NKAIN3: variants seen among roughly 807,000 people sequenced by gnomAD.
NKAIN3 encodes sodium/potassium-transporting ATPase subunit beta-1-interacting protein 3.
In NKAIN3, 25 loss-of-function variants were observed where a neutral mutation model predicts 30.2. That is an observed-to-expected ratio of 0.83 (90% CI 0.60 to 1.16). NKAIN3 has a LOEUF of 1.16. Ranked by LOEUF, NKAIN3 falls within the 50% of genes most tolerant of loss-of-function variation. The probability of loss-of-function intolerance (pLI) is 0.00; values close to 1 mark genes in which losing one functional copy is unlikely to be tolerated. For synonymous variants in NKAIN3, 91 were observed against 89.6 expected (o/e 1.02, Z -0.09); for missense variants, 225 against 254.1 (o/e 0.89, Z 0.78).
chr8:62,565,755 A>G (rs1212126413), intron 1 of NKAIN3, among the ~76,000 whole-genome samples: 1 of 152,172 alleles, frequency 6.6e-6, no homozygotes, highest in African/African-American at 2.4e-5. Context: ...TTGAAAGTCA[A>G]AAATGCATTT....
chr8:62,888,221 C>T (rs1417579024), intron 4 of NKAIN3, among the ~76,000 whole-genome samples: 1 of 152,128 alleles, frequency 6.6e-6, no homozygotes, highest in Non-Finnish European at 1.5e-5. Context: ...TAGTTTAGGT[C>T]ATGTTTAAAA....
intron 1 of NKAIN3, among the ~76,000 whole-genome samples, chr8:62,554,925 C>A (rs1334816222): frequency 6.6e-6 from 1 of 151,584 alleles, no homozygotes; most frequent in Non-Finnish European, 1.5e-5. Flanking sequence ...TGAGATTATG[C>A]AGTATTTTTC....
chr8:62,537,278 G>A (rs1808694671), intron 1 of NKAIN3, among the ~76,000 whole-genome samples: 1 of 152,174 alleles, frequency 6.6e-6, no homozygotes, highest in Non-Finnish European at 1.5e-5. Context: ...GAAGGAAGAG[G>A]TTAAGGACTC....
In NKAIN3 at chr8:62,976,283, G is replaced by C. The variant is rs137944065; in HGVS notation, c.*10876G>C. Reference sequence around the variant, plus strand: ...TGATCTGTCTAATACACACAATGGAGTGTTAAAGTCTCCCACTATTATTGT... The same window carrying C: ...TGATCTGTCTAATACACACAATGGACTGTTAAAGTCTCCCACTATTATTGT... On this transcript the variant is annotated 3_prime_UTR_variant, in exon 7 of 7. Coordinates refer to ENST00000623646, the MANE Select transcript of NKAIN3 (RefSeq NM_001304533.3). Among the ~76,000 whole-genome samples the C allele has an allele frequency of 5.4e-4, 82 of 152,148 alleles. No individual in the cohort carries two copies. Among genetic ancestry groups the C allele is most frequent in the South Asian group, 1.9e-3 (9 of 4,814 alleles).
intron 5 of NKAIN3, among the ~76,000 whole-genome samples, chr8:62,934,317 G>A (rs112894634): frequency 6.6e-6 from 1 of 151,914 alleles, no homozygotes; most frequent in Admixed American, 6.6e-5. Context: ...GATTAAGGCT[G>A]CAGTGAGCTG....
intron 4 of NKAIN3, among the ~76,000 whole-genome samples, chr8:62,904,046 C>A (rs1172963896): frequency 2.0e-5 from 3 of 152,274 alleles, no homozygotes; most frequent in Admixed American, 1.3e-4. Flanking sequence ...TGAGGGTGAA[C>A]CCTTGGACAA....
intron 5 of NKAIN3, among the ~76,000 whole-genome samples, chr8:62,922,291 A>G (rs2130862042): frequency 6.6e-6 from 1 of 152,308 alleles, no homozygotes; most frequent in East Asian, 1.9e-4. Flanking sequence ...CTGTCTGCCC[A>G]TGAACTCCTT....
chr8:62,603,506 C>T (rs764701929), intron 3 of NKAIN3, among the ~76,000 whole-genome samples: 87 of 152,066 alleles, frequency 5.7e-4, no homozygotes, highest in African/African-American at 1.0e-3. Context: ...TTAAATTCTT[C>T]GGATAAAATT....
At chr8:62,692,942 T>G (rs1814028423) in intron 3 of NKAIN3, among the ~76,000 whole-genome samples, 1 of 152,222 alleles carries the variant, frequency 6.6e-6, no homozygotes, top group Non-Finnish European at 1.5e-5. Context: ...TCTCCTTATT[T>G]TGCCTTCTAT....
intron 4 of NKAIN3, among the ~76,000 whole-genome samples, chr8:62,871,357 C>A (rs1307981295): frequency 1.3e-4 from 19 of 147,282 alleles, no homozygotes; most frequent in Admixed American, 1.2e-3. Flanking sequence ...TGGCCGAGAT[C>A]TTGCCACTGC....
intron 3 of NKAIN3, among the ~76,000 whole-genome samples, chr8:62,680,219 A>G (rs1469024670): frequency 6.6e-6 from 1 of 152,206 alleles, no homozygotes; most frequent in Non-Finnish European, 1.5e-5. Context: ...ACTGAATTGT[A>G]GCACTAAACG....
chr8:62,636,126 C>T (rs1812119483), intron 3 of NKAIN3, among the ~76,000 whole-genome samples: 1 of 152,122 alleles, frequency 6.6e-6, no homozygotes, highest in Non-Finnish European at 1.5e-5. Flanking sequence ...GATTTTATTC[C>T]TTCTTACAGT....
intron 1 of NKAIN3, 98 bp from the exon 2 acceptor site, chr8:62,579,441 A>T (rs114815928): frequency 1.2e-6 from 1 of 854,652 alleles, no homozygotes; most frequent in Non-Finnish European, 1.7e-6. Context: ...AGTGTGATTG[A>T]AGTTGAATAT....
chr8:62,452,110 G>T (rs1405095304), intron 1 of NKAIN3, among the ~76,000 whole-genome samples: 1 of 152,120 alleles, frequency 6.6e-6, no homozygotes, highest in Non-Finnish European at 1.5e-5. Flanking sequence ...CAGTGTTGTG[G>T]ACTTCACTTC....
intron 5 of NKAIN3, among the ~76,000 whole-genome samples, chr8:62,921,932 G>A (rs1384306742): frequency 1.3e-5 from 2 of 152,128 alleles, no homozygotes; most frequent in Non-Finnish European, 2.9e-5. Flanking sequence ...ATACTGCCAG[G>A]CTTTTTCAGA....
At chr8:62,711,650 C>A (rs1476976019) in intron 3 of NKAIN3, among the ~76,000 whole-genome samples, 4 of 152,126 alleles carry the variant, frequency 2.6e-5, no homozygotes, top group Non-Finnish European at 4.4e-5. Flanking sequence ...CTTCTTGTAA[C>A]ATTTTTTGGA....
chr8:62,851,917 C>T (rs961195308), intron 4 of NKAIN3, among the ~76,000 whole-genome samples: 1 of 152,058 alleles, frequency 6.6e-6, no homozygotes, highest in Non-Finnish European at 1.5e-5. Context: ...CTAAAATTCT[C>T]TTTTTTTGTT....
At position 62,892,069 on chromosome 8, in the gene NKAIN3, A is replaced by G. The variant is rs116055434; in HGVS notation, c.472-26384A>G. ...GATGAAGATGGGTGACATAGGAGATACAATAGATTCCTAAGGCTGCCTTAA... is the reference window on the plus strand; with the variant it reads ...GATGAAGATGGGTGACATAGGAGATGCAATAGATTCCTAAGGCTGCCTTAA... On this transcript the variant is annotated intron_variant, in intron 4 of 6. Coordinates refer to ENST00000623646, the MANE Select transcript of NKAIN3 (RefSeq NM_001304533.3). Among the ~76,000 whole-genome samples, 459 of 152,336 alleles carry G rather than the reference A, an allele frequency of 3.0e-3. 1 individual carries two copies. Among genetic ancestry groups the G allele is most frequent in the African/African-American group, 0.01 (429 of 41,582 alleles).
At chr8:62,620,613 G>A (rs1811593628) in intron 3 of NKAIN3, among the ~76,000 whole-genome samples, 1 of 152,040 alleles carries the variant, frequency 6.6e-6, no homozygotes, top group African/African-American at 2.4e-5. Context: ...AAACCTATTA[G>A]CCACTGTTTA....
Sources: allele counts gnomAD v4.1 joint callset (sites outside exome capture counted in the v4.1 genomes callset), GRCh38; gene constraint gnomAD v4.1.1; transcripts MANE v1.5; gene names NCBI Gene and HGNC (gene_info 2026-07-23, HGNC 2026-07-21).